CD38: variants seen among roughly 807,000 people sequenced by gnomAD.
The protein encoded by CD38 is CD38 molecule.
In CD38, 31 loss-of-function variants were observed where a neutral mutation model predicts 36.3. The observed-to-expected ratio is 0.85, with a 90% CI of 0.64 to 1.15. CD38 has a LOEUF of 1.15. Ranked by LOEUF, CD38 falls within the 50% of genes most tolerant of loss-of-function variation. The pLI is 0.00. For synonymous variants in CD38, 131 were observed against 135.2 expected (o/e 0.97, Z 0.22); for missense variants, 380 against 371.9 (o/e 1.02, Z -0.18).
chr4:15,796,224 C>T (rs1723101736), intron 1 of CD38, among the ~76,000 whole-genome samples: 1 of 152,058 alleles, frequency 6.6e-6, no homozygotes. Context: ...TTTTGGGGTC[C>T]TGCTTTTATG....
At chr4:15,812,453 T>C (rs1723493935) in intron 1 of CD38, among the ~76,000 whole-genome samples, 1 of 152,148 alleles carries the variant, frequency 6.6e-6, no homozygotes, top group South Asian at 2.1e-4. Context: ...ATCCCAGCAC[T>C]TTGGGAGGCC....
At chr4:15,824,746 C>A (rs1460283415) in intron 2 of CD38, 135 bp from the exon 3 acceptor site, 3 of 714,374 alleles carry the variant, frequency 4.2e-6, no homozygotes, top group Non-Finnish European at 7.2e-6. Flanking sequence ...TTGATGCTTA[C>A]AACAATTCTT....
chr4:15,778,792 C>A lies in CD38; in HGVS notation c.233+145C>A, dbSNP rs952053886. On this transcript the variant is annotated intron_variant, in intron 1 of 7. Transcript: ENST00000226279. This position sits in a 1 kb window ranked among gnomAD's most constrained non-coding sequence, Gnocchi z 4.9. ...CGCCGGGTGGTGCTGAGTAGGGAGT[C>A]CCGGGCTCGGGGCTCCGCGGGCCGC... is the stretch of plus-strand genomic sequence containing the variant. The A allele has an allele frequency of 4.9e-6, 3 of 611,376 alleles. No individual in the cohort carries two copies. The African/African-American group carries it at 5.7e-5, about 12-fold the overall frequency. The allele number at this position is 611,376 out of a possible 1,614,324, so 37.9% of individuals were successfully genotyped here. A position where few individuals can be genotyped will look rare whatever the true frequency, so the allele number is the denominator to read the frequency against.
At chr4:15,840,357 C>A in intron 6 of CD38, 95 bp from the exon 7 acceptor site, 1 of 844,732 alleles carries the variant, frequency 1.2e-6, no homozygotes, top group Non-Finnish European at 2.0e-6. Context: ...CCTCTTTATC[C>A]AAGGGCCTTG....
chr4:15,781,587 C>T (rs540764759), intron 1 of CD38, among the ~76,000 whole-genome samples: 1 of 152,292 alleles, frequency 6.6e-6, no homozygotes, highest in Admixed American at 6.5e-5. Context: ...TCTTTTACTT[C>T]TGGGACCTTG....
intron 1 of CD38, among the ~76,000 whole-genome samples, chr4:15,784,912 C>T (rs191566086): frequency 1.8e-4 from 27 of 152,102 alleles, no homozygotes; most frequent in Admixed American, 3.3e-4. Context: ...AAAAATTAGC[C>T]GGGTGTGGTT....
At chr4:15,808,977 A>G (rs992849519) in intron 1 of CD38, among the ~76,000 whole-genome samples, 15 of 152,190 alleles carry the variant, frequency 9.9e-5, no homozygotes, top group African/African-American at 3.6e-4. Context: ...CTTGGACAGG[A>G]CAAGATGCAA....
At chr4:15,841,712 G>T (rs1366423426) in intron 7 of CD38, among the ~76,000 whole-genome samples, 1 of 149,234 alleles carries the variant, frequency 6.7e-6, no homozygotes, top group Admixed American at 6.6e-5. Context: ...CACACCGTGC[G>T]CGAGCCGAAG....
chr4:15,783,835 A>T (rs1315058072), intron 1 of CD38, among the ~76,000 whole-genome samples: 1 of 152,122 alleles, frequency 6.6e-6, no homozygotes, highest in Non-Finnish European at 1.5e-5. Context: ...TTACTTCCCC[A>T]TGCCTCCCAT....
intron 5 of CD38, 21 bp from the exon 6 acceptor site, chr4:15,840,005 T>A (rs200400472): frequency 6.4e-7 from 1 of 1,571,550 alleles, no homozygotes; most frequent in Admixed American, 1.7e-5. Context: ...TGTTTGGGGT[T>A]CTTTGTTTCT....
chr4:15,848,638 T>G lies in CD38; in HGVS notation c.*36T>G. 1 of 1,559,724 alleles carries G rather than the reference T, an allele frequency of 6.4e-7. No homozygotes were observed. Among genetic ancestry groups the G allele is most frequent in the Non-Finnish European group, 8.8e-7 (1 of 1,130,862 alleles). On this transcript the variant is annotated 3_prime_UTR_variant, in exon 8 of 8. Coordinates refer to ENST00000226279, the MANE Select transcript of CD38 (RefSeq NM_001775.4). Reference sequence around the variant, plus strand: ...GTGGTTGTTTTAGCTCCTTGACTCCTTGTGGTTTATGTCATCATACATGAC... The same window carrying G: ...GTGGTTGTTTTAGCTCCTTGACTCCGTGTGGTTTATGTCATCATACATGAC...
At chr4:15,807,237 G>A (rs1258520553) in intron 1 of CD38, among the ~76,000 whole-genome samples, 1 of 152,192 alleles carries the variant, frequency 6.6e-6, no homozygotes, top group African/African-American at 2.4e-5. Context: ...CTGCCAGGAA[G>A]TAGTGGGATG....
intron 1 of CD38, among the ~76,000 whole-genome samples, chr4:15,780,588 C>A (rs2148912323): frequency 6.9e-6 from 1 of 144,254 alleles, no homozygotes. Context: ...ACAGCCACAT[C>A]CCTGAAATCT....
chr4:15,830,197 A>C (rs1303877995), intron 3 of CD38, among the ~76,000 whole-genome samples: 1 of 152,232 alleles, frequency 6.6e-6, no homozygotes, highest in Admixed American at 6.5e-5. Context: ...GTACTAATTC[A>C]CATTCCCACC....
At chr4:15,815,581 T>A (rs1439621056) in intron 1 of CD38, among the ~76,000 whole-genome samples, 2 of 152,094 alleles carry the variant, frequency 1.3e-5, no homozygotes, top group African/African-American at 4.8e-5. Context: ...TATTGGTATA[T>A]AGGAATGCTT....
At chr4:15,847,930 A>AT (rs1472784725) in intron 7 of CD38, among the ~76,000 whole-genome samples, 1 of 152,192 alleles carries the variant, frequency 6.6e-6, no homozygotes, top group Admixed American at 6.5e-5. Flanking sequence ...AGTGGCCCAT[A>AT]ATGGGAACCA....
chr4:15,827,529 A>AT (rs892524657), intron 3 of CD38, among the ~76,000 whole-genome samples: 8 of 151,618 alleles, frequency 5.3e-5, no homozygotes, highest in African/African-American at 1.9e-4. Flanking sequence ...TTTTCCATTA[A>AT]TTTTTTTAGA....
intron 1 of CD38, among the ~76,000 whole-genome samples, chr4:15,807,044 A>G (rs775217473): frequency 6.6e-6 from 1 of 152,176 alleles, no homozygotes; most frequent in Admixed American, 6.5e-5. Flanking sequence ...GACCACCAGG[A>G]ACACACTGTA....
At chr4:15,828,007 C>T (rs540317046) in intron 3 of CD38, among the ~76,000 whole-genome samples, 25 of 152,086 alleles carry the variant, frequency 1.6e-4, no homozygotes, top group African/African-American at 5.5e-4. Flanking sequence ...ACATATCCAC[C>T]GCCTCAAATA....
Sources: allele counts gnomAD v4.1 joint callset (sites outside exome capture counted in the v4.1 genomes callset), GRCh38; gene constraint gnomAD v4.1.1; non-coding constraint Gnocchi (gnomAD v3.1); transcripts MANE v1.5; gene names NCBI Gene and HGNC (gene_info 2026-07-23, HGNC 2026-07-21).